The following PLEKHM3 variants were observed in gnomAD, a reference collection of about 807,000 sequenced individuals.
PLEKHM3 encodes the protein pleckstrin homology domain-containing family M member 3.
A neutral mutation model predicts 81.8 loss-of-function variants in PLEKHM3; 45 were observed. The ratio of observed to expected loss-of-function variants is 0.55; its 90% confidence interval spans 0.43 to 0.71. PLEKHM3 has a LOEUF of 0.71. Among genes scored for constraint, PLEKHM3 ranks in the 30% least tolerant of loss-of-function variants. PLEKHM3 has a pLI of 0.00. For synonymous variants in PLEKHM3, 352 were observed against 356.4 expected (o/e 0.99, Z 0.14); for missense variants, 788 against 924.3 (o/e 0.85, Z 1.91).
At chr2:207,957,834 G>C (rs1443519285) in intron 3 of PLEKHM3, among the ~76,000 whole-genome samples, 1 of 152,180 alleles carries the variant, frequency 6.6e-6, no homozygotes, top group Non-Finnish European at 1.5e-5. Flanking sequence ...CTTGACCTTT[G>C]GTAGCACAGC....
Position 207,862,135 on chromosome 2 carries a change from C to T in PLEKHM3, c.1951-873G>A, listed in dbSNP as rs2092470694. On this transcript the variant is annotated intron_variant, in intron 6 of 7. Coordinates refer to ENST00000427836, the MANE Select transcript of PLEKHM3 (RefSeq NM_001080475.3). ...TTGATCATTTCTCACTTAACTAATA[C>T]CCATGGGCTTCAAAGACTTCAGCAT... Among the ~76,000 whole-genome samples the T allele has an allele frequency of 2.0e-5, 3 of 152,244 alleles. 1 individual carries two copies. The South Asian group carries it at 6.2e-4, about 32-fold the overall frequency.
chr2:208,011,064 C>CAAAAAAAAAAAAAAAAAAA (rs10587149), intron 1 of PLEKHM3, among the ~76,000 whole-genome samples: 1 of 65,054 alleles, frequency 1.5e-5, no homozygotes, highest in Non-Finnish European at 4.0e-5. Flanking sequence ...TGGCCATAAT[C>CAAAAAAAAAAAAAAAAAAA]AAAAAAAAAA....
At chr2:207,970,355 T>C (rs1691075309) in intron 3 of PLEKHM3, among the ~76,000 whole-genome samples, 1 of 149,494 alleles carries the variant, frequency 6.7e-6, no homozygotes, top group African/African-American at 2.5e-5. Context: ...CCTAACAACA[T>C]ACTTCTTTAT....
chr2:207,934,768 CAT>C (rs750376666), intron 4 of PLEKHM3, among the ~76,000 whole-genome samples: 20 of 152,206 alleles, frequency 1.3e-4, no homozygotes, highest in Admixed American at 2.0e-4. Flanking sequence ...TAAGTAAACA[CAT>C]GTCACTTGAT....
chr2:208,018,114 C>T (rs1692987639), intron 1 of PLEKHM3, among the ~76,000 whole-genome samples: 1 of 152,190 alleles, frequency 6.6e-6, no homozygotes, highest in African/African-American at 2.4e-5. Context: ...GTGGTTCACG[C>T]CTGTAATCCC....
At chr2:207,851,073 A>G (rs1424035078) in intron 7 of PLEKHM3, among the ~76,000 whole-genome samples, 2 of 150,766 alleles carry the variant, frequency 1.3e-5, no homozygotes, top group Non-Finnish European at 2.9e-5. Context: ...TAATTGTTTG[A>G]ACCTGGGAAG....
chr2:207,991,008 A>C (rs1248776254), intron 2 of PLEKHM3, among the ~76,000 whole-genome samples: 13 of 152,190 alleles, frequency 8.5e-5, no homozygotes, highest in Admixed American at 8.5e-4. Context: ...ACAGTGATAG[A>C]GCATAAGTCA....
chr2:207,928,915 T>C (rs1303865904), intron 5 of PLEKHM3, among the ~76,000 whole-genome samples: 1 of 152,198 alleles, frequency 6.6e-6, no homozygotes, highest in Non-Finnish European at 1.5e-5. Flanking sequence ...TTTTTGAGTG[T>C]TTTGGATGGG....
At chr2:208,010,329 T>C (rs1331157674) in intron 1 of PLEKHM3, among the ~76,000 whole-genome samples, 1 of 152,238 alleles carries the variant, frequency 6.6e-6, no homozygotes, top group Non-Finnish European at 1.5e-5. Flanking sequence ...TGCACCTTTA[T>C]GTGAAATTGG....
chr2:207,858,180 A>ATTTTTTTT lies in PLEKHM3; in HGVS notation c.2108+2917_2108+2924dup, dbSNP rs58031514. On this transcript the variant is annotated intron_variant, in intron 7 of 7. Coordinates refer to ENST00000427836, the MANE Select transcript of PLEKHM3 (RefSeq NM_001080475.3). ...TGTGTGTGTGTGTGTGTGTGTATAT[A>ATTTTTTTT]TTTTTTTTTTTGAGATGAAGTCTCA... Among the ~76,000 whole-genome samples the ATTTTTTTT allele has an allele frequency of 5.2e-4, 54 of 103,844 alleles. 2 individuals are homozygous for ATTTTTTTT. Among genetic ancestry groups the ATTTTTTTT allele is most frequent in the African/African-American group, 1.9e-3 (50 of 26,918 alleles). 68.1% of individuals were successfully genotyped at this position (103,844 alleles called of 152,430 possible).
At chr2:207,968,519 C>CA (rs1372064285) in intron 3 of PLEKHM3, among the ~76,000 whole-genome samples, 1 of 152,124 alleles carries the variant, frequency 6.6e-6, no homozygotes, top group Non-Finnish European at 1.5e-5. Context: ...CACCCCATCC[C>CA]ATTCTTCAGC....
intron 6 of PLEKHM3, among the ~76,000 whole-genome samples, chr2:207,897,348 G>A (rs1029871743): frequency 4.6e-5 from 7 of 152,146 alleles, no homozygotes; most frequent in Non-Finnish European, 1.0e-4. Context: ...CCCAGGAGCC[G>A]TTTATACAAG....
chr2:207,858,180 A>ATATTT (rs751293954), intron 7 of PLEKHM3, among the ~76,000 whole-genome samples: 23 of 103,846 alleles, frequency 2.2e-4, no homozygotes, highest in African/African-American at 7.8e-4. Context: ...GTGTGTATAT[A>ATATTT]TTTTTTTTTT....
At chr2:207,954,814 A>T (rs574336941) in intron 3 of PLEKHM3, among the ~76,000 whole-genome samples, 3 of 152,342 alleles carry the variant, frequency 2.0e-5, no homozygotes, top group African/African-American at 7.2e-5. Flanking sequence ...ATTACTGCTG[A>T]CTGAAAATAT....
At chr2:207,992,448 C>T (rs755118213) in intron 2 of PLEKHM3, among the ~76,000 whole-genome samples, 27 of 152,296 alleles carry the variant, frequency 1.8e-4, no homozygotes, top group Non-Finnish European at 2.8e-4. Flanking sequence ...TAATAACAAA[C>T]TTCATTCAAC....
intron 6 of PLEKHM3, among the ~76,000 whole-genome samples, chr2:207,862,074 C>T (rs2092470363): frequency 6.6e-6 from 1 of 152,106 alleles, no homozygotes; most frequent in African/African-American, 2.4e-5. Context: ...CACCTGTGGG[C>T]TTGCATACAT....
intron 4 of PLEKHM3, among the ~76,000 whole-genome samples, chr2:207,939,721 G>C (rs183799518): frequency 3.3e-5 from 5 of 152,310 alleles, no homozygotes; most frequent in Admixed American, 2.6e-4. Flanking sequence ...CTTAAGGTAA[G>C]ATTAGGACTT....
At chr2:207,956,231 C>T (rs1235367439) in intron 3 of PLEKHM3, among the ~76,000 whole-genome samples, 2 of 152,102 alleles carry the variant, frequency 1.3e-5, no homozygotes, top group South Asian at 4.1e-4. Context: ...CTTTGGGAGG[C>T]TAAGGCAGGC....
intron 6 of PLEKHM3, among the ~76,000 whole-genome samples, chr2:207,871,540 G>T (rs2092534427): frequency 1.3e-5 from 2 of 152,106 alleles, no homozygotes; most frequent in South Asian, 2.1e-4. Context: ...GGGAATAAAA[G>T]ATTTAAAAAA....
Sources: gnomAD v4.1 joint callset for allele counts (sites outside exome capture counted in the v4.1 genomes callset) on GRCh38, gnomAD v4.1.1 for gene constraint, MANE v1.5 for transcripts, NCBI Gene and HGNC (gene_info 2026-07-23, HGNC 2026-07-21) for gene names.